Variants in TTLL5 observed in about 807,000 individuals in gnomAD.
TTLL5 encodes the protein tubulin polyglutamylase TTLL5.
TTLL5 carries 132 observed loss-of-function variants against 168.4 expected under a neutral mutation model. That is an observed-to-expected ratio of 0.78 (90% CI 0.68 to 0.91). The LOEUF is 0.91. Among genes scored for constraint, TTLL5 ranks in the 40% least tolerant of loss-of-function variants. TTLL5 has a pLI of 0.00. For missense variants in TTLL5, 1,545 were observed against 1,581.5 expected (o/e 0.98, Z 0.39); for synonymous variants, 546 against 558.6 (o/e 0.98, Z 0.32).
At chr14:75,713,395 A>AG (rs761358596) in intron 9 of TTLL5, among the ~76,000 whole-genome samples, 1 of 152,230 alleles carries the variant, frequency 6.6e-6, no homozygotes, top group Non-Finnish European at 1.5e-5. Flanking sequence ...CTAGGTGTGT[A>AG]GTAGGCTATA....
intron 3 of TTLL5, among the ~76,000 whole-genome samples, chr14:75,677,903 A>T (rs1238800915): frequency 3.3e-5 from 5 of 151,562 alleles, no homozygotes. Context: ...TCGTACTGGG[A>T]TTACAGGCAT....
At chr14:75,709,251 G>A (rs1981899) in intron 9 of TTLL5, 470,871 of 749,076 alleles carry the variant, frequency 0.63, 152,843 homozygotes, top group Non-Finnish European at 0.68. Flanking sequence ...TGCTTTGACA[G>A]ATATTATTGT....
chr14:75,773,957 A>AAGAGAG (rs1166420551), intron 21 of TTLL5, among the ~76,000 whole-genome samples: 2 of 43,352 alleles, frequency 4.6e-5, no homozygotes, highest in African/African-American at 8.1e-5. Flanking sequence ...GAGAGAGAGA[A>AAGAGAG]AGAGAGAGAG....
At chr14:75,801,887 G>A (rs1255997456) in intron 27 of TTLL5, among the ~76,000 whole-genome samples, 3 of 152,184 alleles carry the variant, frequency 2.0e-5, no homozygotes, top group Non-Finnish European at 4.4e-5. Context: ...TCTAGAAAGA[G>A]GTAGATTTCC....
intron 18 of TTLL5, among the ~76,000 whole-genome samples, chr14:75,759,830 T>C (rs1890516141): frequency 6.6e-6 from 1 of 152,062 alleles, no homozygotes; most frequent in Non-Finnish European, 1.5e-5. Flanking sequence ...CACATATTTA[T>C]GAGAAAAACT....
chr14:75,928,188 C>A (rs61979174), intron 31 of TTLL5, among the ~76,000 whole-genome samples: 2 of 151,672 alleles, frequency 1.3e-5, no homozygotes, highest in Admixed American at 6.6e-5. Context: ...CTGGCCTAGC[C>A]GCCAGGGTCA....
intron 2 of TTLL5, among the ~76,000 whole-genome samples, chr14:75,668,455 AG>A (rs1883465868): frequency 6.6e-6 from 1 of 152,170 alleles, no homozygotes; most frequent in Non-Finnish European, 1.5e-5. Flanking sequence ...CCTGGCACAT[AG>A]TAGGGACTCA....
intron 5 of TTLL5, 93 bp downstream of exon 5, chr14:75,683,749 G>A (rs1256131773): frequency 8.3e-6 from 8 of 959,270 alleles, no homozygotes; most frequent in Non-Finnish European, 1.3e-5. Context: ...TAAAGAAGAG[G>A]AAGATGAAAA....
intron 30 of TTLL5, among the ~76,000 whole-genome samples, chr14:75,891,144 A>T (rs2032383259): frequency 6.6e-6 from 1 of 152,098 alleles, no homozygotes; most frequent in South Asian, 2.1e-4. Context: ...ATACTCTATC[A>T]CCGCTTTGCA....
intron 31 of TTLL5, among the ~76,000 whole-genome samples, chr14:75,905,491 TAGC>T (rs1221340788): frequency 6.6e-6 from 1 of 152,222 alleles, no homozygotes; most frequent in African/African-American, 2.4e-5. Flanking sequence ...TGAAAGCTCT[TAGC>T]AGAGTACCTG....
At chr14:75,806,279 C>G (rs1265801812) in intron 27 of TTLL5, among the ~76,000 whole-genome samples, 1 of 152,186 alleles carries the variant, frequency 6.6e-6, no homozygotes, top group Non-Finnish European at 1.5e-5. Flanking sequence ...GATCTGTCCG[C>G]TTCAGCCTTT....
Position 75,902,210 on chromosome 14 carries a change from TCACCAGCTCTACAGGTTAGTGGG to T in TTLL5, c.3820_3823+19del. The T allele has an allele frequency of 6.2e-7, 1 of 1,614,174 alleles. No homozygotes were observed. Among genetic ancestry groups the T allele is most frequent in the Non-Finnish European group, 8.5e-7 (1 of 1,180,010 alleles). ...CTTAACCCTGCAGCCTTTGTGCCCATCACCAGCTCTACAGGTTAGTGGGCACCAGCTCTTCTGCAACTGGATAG... is the reference window on the plus strand; with the variant it reads ...CTTAACCCTGCAGCCTTTGTGCCCATCACCAGCTCTTCTGCAACTGGATAG... On this transcript the variant is annotated splice_donor_variant and splice_donor_5th_base_variant and coding_sequence_variant and intron_variant, in exon 31 of 32. Coordinates refer to ENST00000298832, the MANE Select transcript of TTLL5 (RefSeq NM_015072.5). LOFTEE classifies it high-confidence loss of function.
chr14:75,882,664 T>G (rs1319081718), intron 29 of TTLL5, 21 bp from the exon 30 acceptor site: 2 of 1,600,528 alleles, frequency 1.2e-6, no homozygotes, highest in Non-Finnish European at 1.7e-6. Flanking sequence ...ATCGATCATT[T>G]TTTTCCTTTT....
intron 31 of TTLL5, among the ~76,000 whole-genome samples, chr14:75,943,747 C>G (rs992963778): frequency 6.6e-6 from 1 of 152,060 alleles, no homozygotes; most frequent in Non-Finnish European, 1.5e-5. Context: ...CAGTGTTAGA[C>G]TAAGATAATT....
chr14:75,671,741 C>G (rs547457930), intron 3 of TTLL5, among the ~76,000 whole-genome samples: 1 of 152,220 alleles, frequency 6.6e-6, no homozygotes, highest in South Asian at 2.1e-4. Context: ...ATCTTGTATC[C>G]TGAAACCTTG....
chr14:75,767,073 G>A (rs1891007246), intron 20 of TTLL5, among the ~76,000 whole-genome samples: 1 of 151,632 alleles, frequency 6.6e-6, no homozygotes, highest in East Asian at 1.9e-4. Flanking sequence ...TGAAGCAGGA[G>A]AATTGCTTGA....
At chr14:75,690,088 A>G (rs1444245392) in intron 5 of TTLL5, 104 bp from the exon 6 acceptor site, 6 of 1,249,420 alleles carry the variant, frequency 4.8e-6, no homozygotes, top group East Asian at 4.8e-5. Context: ...TACTATCTTC[A>G]CTAACCGGTC....
chr14:75,710,136 C>A (rs1886963343), intron 9 of TTLL5: 1 of 152,118 alleles, frequency 6.6e-6, no homozygotes, highest in Non-Finnish European at 1.5e-5. Flanking sequence ...CACTGTTTCT[C>A]AAGGACATCA....
chr14:75,888,370 C>T (rs901983542), intron 30 of TTLL5, among the ~76,000 whole-genome samples: 1 of 152,170 alleles, frequency 6.6e-6, no homozygotes, highest in African/African-American at 2.4e-5. Flanking sequence ...ATGCCTGCCT[C>T]CTGGGATGTT....
Sources: gnomAD v4.1 joint callset for allele counts (sites outside exome capture counted in the v4.1 genomes callset) on GRCh38, gnomAD v4.1.1 for gene constraint, MANE v1.5 for transcripts, NCBI Gene and HGNC (gene_info 2026-07-23, HGNC 2026-07-21) for gene names.